CUX1: variants seen among roughly 807,000 people sequenced by gnomAD.
CUX1 encodes protein CASP.
CUX1 carries 31 observed loss-of-function variants against 158.8 expected under a neutral mutation model. The observed-to-expected ratio is 0.20, with a 90% CI of 0.15 to 0.26. CUX1 has a LOEUF of 0.26. CUX1 is among the 10% of genes least tolerant of loss of function. The probability of loss-of-function intolerance (pLI) is 1.00; values close to 1 mark genes in which losing one functional copy is unlikely to be tolerated. For synonymous variants in CUX1, 879 were observed against 862.1 expected (o/e 1.02, Z -0.34); for missense variants, 1,589 against 2,014.6 (o/e 0.79, Z 4.04).
intron 1 of CUX1, among the ~76,000 whole-genome samples, chr7:101,899,554 TAAAA>T (rs1003196688): frequency 2.0e-5 from 3 of 151,642 alleles, no homozygotes; most frequent in Admixed American, 6.6e-5. Flanking sequence ...CTCAAAAAAA[TAAAA>T]AAATAAAGAA....
At chr7:101,990,411 A>C (rs987289354) in intron 2 of CUX1, among the ~76,000 whole-genome samples, 5 of 151,588 alleles carry the variant, frequency 3.3e-5, no homozygotes, top group Admixed American at 6.6e-5. Flanking sequence ...TTGAGATGGA[A>C]TCTCACCCAG....
chr7:102,060,607 A>AC lies in CUX1; in HGVS notation c.190-9732_190-9731insC, dbSNP rs1332093153. 6.5e-3 allele frequency among the ~76,000 whole-genome samples: 463 copies of AC among 71,402 alleles called. 8 individuals carry two copies. In the East Asian group the frequency reaches 0.072, roughly 11 times the overall value. 46.8% of individuals were successfully genotyped at this position (71,402 alleles called of 152,430 possible). A position where few individuals can be genotyped will look rare whatever the true frequency, so the allele number is the denominator to read the frequency against. ...TATATATATATACACACACACAAAT[A>AC]AACACACACACACACACACACACAC... On this transcript the variant is annotated intron_variant, in intron 3 of 23. Coordinates refer to ENST00000292535, the MANE Select transcript of CUX1 (RefSeq NM_181552.4).
intron 21 of CUX1, among the ~76,000 whole-genome samples, chr7:102,232,639 G>GTA (rs1799130456): frequency 6.6e-6 from 1 of 152,142 alleles, no homozygotes; most frequent in Non-Finnish European, 1.5e-5. Context: ...ATCCTAATTT[G>GTA]TATCTTTACA....
chr7:101,823,788 T>C (rs1792949228), intron 1 of CUX1, among the ~76,000 whole-genome samples: 1 of 152,238 alleles, frequency 6.6e-6, no homozygotes, highest in African/African-American at 2.4e-5. Flanking sequence ...ATTAGCTCTT[T>C]CTTAAGTGAG....
At chr7:101,954,135 C>T (rs1037880408) in intron 2 of CUX1, among the ~76,000 whole-genome samples, 14 of 152,222 alleles carry the variant, frequency 9.2e-5, no homozygotes, top group East Asian at 7.7e-4. Flanking sequence ...GTGTCTGAGA[C>T]GCCTGAGACA....
intron 3 of CUX1, among the ~76,000 whole-genome samples, chr7:102,055,058 TAA>T (rs926694109): frequency 6.6e-6 from 1 of 152,216 alleles, no homozygotes; most frequent in East Asian, 1.9e-4. Context: ...TTAAAAATAT[TAA>T]GTCTTCCAAT....
intron 23 of CUX1, among the ~76,000 whole-genome samples, chr7:102,246,831 A>G (rs1800864558): frequency 6.6e-6 from 1 of 152,138 alleles, no homozygotes; most frequent in African/African-American, 2.4e-5. Flanking sequence ...CAGCCTCCCA[A>G]AGTGCTGGGA....
chr7:102,224,963 C>T (rs1469692420), intron 20 of CUX1, among the ~76,000 whole-genome samples: 1 of 152,204 alleles, frequency 6.6e-6, no homozygotes, highest in Non-Finnish European at 1.5e-5. Flanking sequence ...GATGGATGAT[C>T]TGCCAGGCCG....
chr7:102,093,242 A>G (rs563459799), intron 4 of CUX1, among the ~76,000 whole-genome samples: 67 of 116,138 alleles, frequency 5.8e-4, no homozygotes, highest in African/African-American at 1.4e-3. Context: ...AAAAAAAAAA[A>G]AAAGAAAGTC....
chr7:102,194,461 A>G (rs1339103301), intron 13 of CUX1, among the ~76,000 whole-genome samples: 1 of 151,234 alleles, frequency 6.6e-6, no homozygotes, highest in Non-Finnish European at 1.5e-5. Flanking sequence ...ATAGCCAAGT[A>G]CTGTGACATA....
chr7:102,116,397 C>A (rs1353181595), intron 8 of CUX1, among the ~76,000 whole-genome samples: 4 of 152,124 alleles, frequency 2.6e-5, no homozygotes, highest in Admixed American at 2.0e-4. Flanking sequence ...CAGCTACTCT[C>A]TTCTCTCAAT....
intron 2 of CUX1, among the ~76,000 whole-genome samples, chr7:102,007,614 A>G (rs1041104571): frequency 1.3e-5 from 2 of 150,874 alleles, no homozygotes; most frequent in Non-Finnish European, 2.9e-5. Flanking sequence ...CTAAACTTCT[A>G]CAAAGCCCCA....
chr7:102,249,345 C>G lies in CUX1; in HGVS notation c.*303C>G. On this transcript the variant is annotated 3_prime_UTR_variant, in exon 24 of 24. Transcript: ENST00000292535. ...ACCCCTGGACCGCTTTGCGCACTTACCGCCCTGCGGGCCACAGGGCAAAAT... is the reference window on the plus strand; with the variant it reads ...ACCCCTGGACCGCTTTGCGCACTTAGCGCCCTGCGGGCCACAGGGCAAAAT... 3.0e-6 allele frequency: 3 copies of G among 1,009,300 alleles called. No individual in the cohort carries two copies. The highest frequency in any genetic ancestry group is 4.6e-5 in the South Asian group (1 of 21,510). 62.5% of individuals were successfully genotyped at this position (1,009,300 alleles called of 1,614,324 possible). A position where few individuals can be genotyped will look rare whatever the true frequency, so the allele number is the denominator to read the frequency against.
intron 1 of CUX1, among the ~76,000 whole-genome samples, chr7:101,912,584 C>T (rs1258470274): frequency 6.6e-6 from 1 of 152,186 alleles, no homozygotes; most frequent in Non-Finnish European, 1.5e-5. Flanking sequence ...AGTCCCTCTC[C>T]CCACCGGCCC....
intron 1 of CUX1, among the ~76,000 whole-genome samples, chr7:101,911,319 G>A (rs11972884): frequency 0.13 from 19,383 of 149,474 alleles, 1,345 homozygotes; most frequent in African/African-American, 0.17. Context: ...TTGGTCCTGC[G>A]GTGGACGACC....
At chr7:102,108,335 T>C (rs1340372224) in intron 6 of CUX1, among the ~76,000 whole-genome samples, 2 of 152,140 alleles carry the variant, frequency 1.3e-5, no homozygotes, top group African/African-American at 4.8e-5. Flanking sequence ...GGGAATTAAA[T>C]ATTATTAAGT....
At chr7:101,834,869 G>A (rs1253570819) in intron 1 of CUX1, among the ~76,000 whole-genome samples, 3 of 152,044 alleles carry the variant, frequency 2.0e-5, no homozygotes, top group South Asian at 2.1e-4. Flanking sequence ...TGTGGTGAGC[G>A]CTTGTAATCC....
intron 2 of CUX1, among the ~76,000 whole-genome samples, chr7:101,936,800 A>G (rs1170869051): frequency 6.6e-6 from 1 of 152,180 alleles, no homozygotes; most frequent in African/African-American, 2.4e-5. Flanking sequence ...AGATCATGCA[A>G]TCAGGGTTCC....
At chr7:102,247,677 A>G (rs782418957) in intron 23 of CUX1, among the ~76,000 whole-genome samples, 1 of 152,012 alleles carries the variant, frequency 6.6e-6, no homozygotes, top group South Asian at 2.1e-4. Flanking sequence ...TTTAAAAATT[A>G]GCAAGCATAG....
Sources: gnomAD v4.1 joint callset for allele counts (sites outside exome capture counted in the v4.1 genomes callset) on GRCh38, gnomAD v4.1.1 for gene constraint, MANE v1.5 for transcripts, NCBI Gene and HGNC (gene_info 2026-07-23, HGNC 2026-07-21) for gene names.